The following PIGK variants were observed in gnomAD, a reference collection of about 807,000 sequenced individuals.
The protein encoded by PIGK is GPI-anchor transamidase.
Under a neutral mutation model 50.6 loss-of-function variants are expected in PIGK, and 42 were observed. The ratio of observed to expected loss-of-function variants is 0.83; its 90% CI spans 0.65 to 1.07. PIGK has a LOEUF of 1.07. PIGK is among the 50% of genes least tolerant of loss of function. PIGK has a pLI of 0.00. For missense variants in PIGK, 448 were observed against 488.7 expected (o/e 0.92, Z 0.78); for synonymous variants, 151 against 156.0 (o/e 0.97, Z 0.24).
Position 77,156,482 on chromosome 1 carries a change from C to T in PIGK, c.814-1861G>A, listed in dbSNP as rs542034771. Among the ~76,000 whole-genome samples the T allele has an allele frequency of 2.0e-5, 3 of 152,284 alleles. No homozygotes were observed. In the South Asian group the frequency reaches 6.2e-4, roughly 32 times the overall value. ...CTCCTTCAATTACAGAATGTCCTCA[C>T]TCTAGCCAGGCCATTATCAAAGATA... On this transcript the variant is annotated intron_variant, in intron 8 of 10. Coordinates refer to ENST00000370812, the MANE Select transcript of PIGK (RefSeq NM_005482.3).
intron 3 of PIGK, among the ~76,000 whole-genome samples, chr1:77,198,605 A>G (rs1234691346): frequency 6.6e-6 from 1 of 152,054 alleles, no homozygotes; most frequent in Non-Finnish European, 1.5e-5. Flanking sequence ...ACACAGCAAC[A>G]GAAGTTAGAA....
intron 10 of PIGK, among the ~76,000 whole-genome samples, chr1:77,094,879 G>A (rs1296928610): frequency 6.6e-6 from 1 of 152,014 alleles, no homozygotes; most frequent in Non-Finnish European, 1.5e-5. Flanking sequence ...GCCAGGGTAG[G>A]AACAAAGAGA....
At chr1:77,153,457 T>A (rs1428539685) in intron 9 of PIGK, 1 of 152,112 alleles carries the variant, frequency 6.6e-6, no homozygotes, top group Non-Finnish European at 1.5e-5. Flanking sequence ...TTATTAACAA[T>A]TTATTGCATA....
chr1:77,109,365 A>T, intron 10 of PIGK, among the ~76,000 whole-genome samples: 1 of 152,208 alleles, frequency 6.6e-6, no homozygotes, highest in East Asian at 1.9e-4. Context: ...CCTCAATAAA[A>T]TACTGGCAAA....
chr1:77,114,389 C>G (rs1292070725), intron 10 of PIGK, among the ~76,000 whole-genome samples: 2 of 152,066 alleles, frequency 1.3e-5, no homozygotes, highest in Non-Finnish European at 2.9e-5. Flanking sequence ...TGTTTTGCAC[C>G]TATTTACAGT....
intron 10 of PIGK, among the ~76,000 whole-genome samples, chr1:77,116,599 C>CGTGT (rs751803515): frequency 1.0e-5 from 1 of 95,552 alleles, no homozygotes; most frequent in East Asian, 2.8e-4. Context: ...TGTGTGTGCG[C>CGTGT]GTGTGTGTGT....
intron 3 of PIGK, among the ~76,000 whole-genome samples, chr1:77,170,251 A>G (rs1455348696): frequency 2.0e-5 from 3 of 152,136 alleles, no homozygotes; most frequent in African/African-American, 7.2e-5. Context: ...GCAACTCCTT[A>G]CATCATCTAA....
At chr1:77,117,908 G>A (rs972310793) in intron 10 of PIGK, among the ~76,000 whole-genome samples, 1 of 152,062 alleles carries the variant, frequency 6.6e-6, no homozygotes, top group Admixed American at 6.5e-5. Context: ...TTACCACAGT[G>A]TCCTCAATTT....
intron 10 of PIGK, among the ~76,000 whole-genome samples, chr1:77,095,081 C>T (rs965512668): frequency 3.9e-5 from 6 of 152,044 alleles, no homozygotes; most frequent in South Asian, 2.1e-4. Flanking sequence ...TCTTAATGTT[C>T]GTTCAATACA....
intron 8 of PIGK, among the ~76,000 whole-genome samples, chr1:77,156,312 C>A (rs1655007057): frequency 6.6e-6 from 1 of 152,090 alleles, no homozygotes; most frequent in Non-Finnish European, 1.5e-5. Context: ...TTATCCTATT[C>A]TTTGCTGCCA....
chr1:77,161,098 T>C (rs773409346), intron 8 of PIGK, among the ~76,000 whole-genome samples, 197 bp downstream of exon 8: 2 of 151,966 alleles, frequency 1.3e-5, no homozygotes, highest in Admixed American at 6.6e-5. Context: ...AATGAGTAAA[T>C]AAAGGAAAAC....
At chr1:77,098,905 T>A (rs75719267) in intron 10 of PIGK, among the ~76,000 whole-genome samples, 2 of 152,180 alleles carry the variant, frequency 1.3e-5, no homozygotes, top group East Asian at 1.9e-4. Flanking sequence ...TTTCTTTCTC[T>A]TCTTACAATT....
intron 3 of PIGK, among the ~76,000 whole-genome samples, chr1:77,192,195 G>A (rs1272802946): frequency 6.6e-6 from 1 of 152,004 alleles, no homozygotes; most frequent in Non-Finnish European, 1.5e-5. Context: ...GTCGTGAAGA[G>A]TACTTTGCCA....
chr1:77,184,600 G>A (rs1655697952), intron 3 of PIGK, among the ~76,000 whole-genome samples: 1 of 152,154 alleles, frequency 6.6e-6, no homozygotes. Flanking sequence ...CATCATTGTG[G>A]TCCTCCAGTT....
In PIGK at chr1:77,092,361, T is replaced by C; in HGVS notation, c.*13A>G. 1 of 1,167,616 alleles carries C rather than the reference T, an allele frequency of 8.6e-7. No individual in the cohort carries two copies. Among genetic ancestry groups the C allele is most frequent in the Non-Finnish European group, 1.3e-6 (1 of 792,062 alleles). The allele number at this position is 1,167,616 out of a possible 1,614,324, so 72.3% of individuals were successfully genotyped here. ...TTTGCAGTCCTCCATGCATTCTTCA[T>C]TCATCATCAAGTCTAAAAAATGAAC... On this transcript the variant is annotated 3_prime_UTR_variant, in exon 11 of 11. Coordinates refer to ENST00000370812, the MANE Select transcript of PIGK (RefSeq NM_005482.3).
chr1:77,211,441 A>G lies in PIGK; in HGVS notation c.94-952T>C, dbSNP rs556677720. On this transcript the variant is annotated intron_variant, in intron 1 of 10. Transcript: ENST00000370812. ...AAATCTCCTTTTAGGTTGTACTCTG[A>G]TAATTCCTCTATTAAAGTGATCACT... 3.3e-5 allele frequency among the ~76,000 whole-genome samples: 5 copies of G among 152,146 alleles called. No homozygotes were observed. The East Asian group carries it at 9.6e-4, about 29-fold the overall frequency.
chr1:77,132,284 A>G (rs77289882), intron 9 of PIGK, among the ~76,000 whole-genome samples: 345 of 151,906 alleles, frequency 2.3e-3, no homozygotes, highest in African/African-American at 7.9e-3. Context: ...ACTACTACCT[A>G]TTTTCTATCT....
At chr1:77,114,247 T>C (rs1464612055) in intron 10 of PIGK, among the ~76,000 whole-genome samples, 1 of 152,142 alleles carries the variant, frequency 6.6e-6, no homozygotes, top group Non-Finnish European at 1.5e-5. Flanking sequence ...ATCCCACTTA[T>C]AAGATAGAAG....
chr1:77,205,662 C>T (rs1656270453), intron 3 of PIGK, among the ~76,000 whole-genome samples: 1 of 152,094 alleles, frequency 6.6e-6, no homozygotes, highest in South Asian at 2.1e-4. Context: ...AGCCAGATTT[C>T]AAAGTCATAT....
Sources: gnomAD v4.1 joint callset for allele counts (sites outside exome capture counted in the v4.1 genomes callset) on GRCh38, gnomAD v4.1.1 for gene constraint, MANE v1.5 for transcripts, NCBI Gene and HGNC (gene_info 2026-07-23, HGNC 2026-07-21) for gene names.